IPCEF1: variants seen among roughly 807,000 people sequenced by gnomAD.
IPCEF1 encodes the protein interaction protein for cytohesin exchange factors 1, also known as interactor protein for cytohesin exchange factors 1.
In IPCEF1, 31 loss-of-function variants were observed where a neutral mutation model predicts 50.9. The observed-to-expected ratio is 0.61, with a 90% CI of 0.46 to 0.82. The LOEUF (loss-of-function observed/expected upper bound fraction) is 0.82. Ranked by LOEUF, IPCEF1 falls within the 40% of genes least tolerant of loss-of-function variation. The probability of loss-of-function intolerance (pLI) is 0.00; values close to 1 mark genes in which losing one functional copy is unlikely to be tolerated. For synonymous variants in IPCEF1, 181 were observed against 192.0 expected (o/e 0.94, Z 0.47); for missense variants, 458 against 514.0 (o/e 0.89, Z 1.05).
chr6:154,231,100 G>A (rs538066338), intron 5 of IPCEF1, among the ~76,000 whole-genome samples: 1 of 152,306 alleles, frequency 6.6e-6, no homozygotes, highest in South Asian at 2.1e-4. Context: ...TCTAAACTCT[G>A]AGCTGAGCTG....
intron 2 of IPCEF1, among the ~76,000 whole-genome samples, chr6:154,271,988 A>G (rs1212994788): frequency 6.6e-6 from 1 of 152,194 alleles, no homozygotes; most frequent in African/African-American, 2.4e-5. Context: ...CTCTGTCTCT[A>G]AAAGAAAACC....
chr6:154,221,733 G>A (rs1159164110), intron 6 of IPCEF1, among the ~76,000 whole-genome samples: 2 of 152,064 alleles, frequency 1.3e-5, no homozygotes, highest in Non-Finnish European at 2.9e-5. Context: ...AATTAGCCGG[G>A]CATGGTGGCG....
intron 10 of IPCEF1, among the ~76,000 whole-genome samples, chr6:154,198,631 T>TACACACAC (rs3070838): frequency 0.28 from 40,479 of 146,580 alleles, 6,315 homozygotes; most frequent in East Asian, 0.52. Context: ...AAATATTACA[T>TACACACAC]ACACACACAC....
At chr6:154,164,887 C>A (rs1222665496) in intron 11 of IPCEF1, among the ~76,000 whole-genome samples, 1 of 152,172 alleles carries the variant, frequency 6.6e-6, no homozygotes, top group Non-Finnish European at 1.5e-5. Flanking sequence ...CAACATAATA[C>A]GATCAACTTT....
chr6:154,331,935 A>G (rs1783681701), intron 1 of IPCEF1, among the ~76,000 whole-genome samples: 1 of 152,166 alleles, frequency 6.6e-6, no homozygotes, highest in African/African-American at 2.4e-5. Flanking sequence ...GGTTTTCTCA[A>G]GCTGCTCCCT....
intron 1 of IPCEF1, among the ~76,000 whole-genome samples, chr6:154,302,551 T>G (rs953018397): frequency 6.6e-6 from 1 of 152,184 alleles, no homozygotes; most frequent in Non-Finnish European, 1.5e-5. Context: ...CTCAGTTCAC[T>G]GTAGCCTCAA....
chr6:154,170,802 G>A (rs1054942858), intron 10 of IPCEF1, among the ~76,000 whole-genome samples: 18 of 152,204 alleles, frequency 1.2e-4, no homozygotes, highest in Non-Finnish European at 4.4e-5. Flanking sequence ...AAGTGTGGAT[G>A]AGGATGTGGA....
At chr6:154,188,908 C>A (rs1801618361) in intron 10 of IPCEF1, among the ~76,000 whole-genome samples, 1 of 151,796 alleles carries the variant, frequency 6.6e-6, no homozygotes, top group Non-Finnish European at 1.5e-5. Flanking sequence ...CTTTAAGATA[C>A]CAGTGTAGGG....
chr6:154,190,508 C>G (rs955110644), intron 10 of IPCEF1, among the ~76,000 whole-genome samples: 3 of 152,132 alleles, frequency 2.0e-5, no homozygotes, highest in Non-Finnish European at 4.4e-5. Context: ...ACAGAAAACA[C>G]CAAACGTTGG....
intron 5 of IPCEF1, among the ~76,000 whole-genome samples, chr6:154,241,701 T>TA (rs1780608273): frequency 6.6e-6 from 1 of 152,192 alleles, no homozygotes; most frequent in Non-Finnish European, 1.5e-5. Context: ...CACCATCTCC[T>TA]AACTGGCCTT....
At chr6:154,191,946 A>G (rs1801926678) in intron 10 of IPCEF1, among the ~76,000 whole-genome samples, 1 of 152,114 alleles carries the variant, frequency 6.6e-6, no homozygotes, top group African/African-American at 2.4e-5. Flanking sequence ...CCACAGCAGC[A>G]TTTTACATAA....
chr6:154,339,521 C>T (rs1229708509), intron 1 of IPCEF1, among the ~76,000 whole-genome samples: 1 of 151,906 alleles, frequency 6.6e-6, no homozygotes, highest in African/African-American at 2.4e-5. Context: ...GCATTGCTCC[C>T]GTCCAAAGTG....
chr6:154,319,847 GGAAA>G (rs1433270019), intron 1 of IPCEF1, among the ~76,000 whole-genome samples: 1 of 152,078 alleles, frequency 6.6e-6, no homozygotes, highest in Non-Finnish European at 1.5e-5. Flanking sequence ...CTTTTCTTTT[GGAAA>G]GAGAGAAAAT....
chr6:154,156,229 CT>C lies in IPCEF1; in HGVS notation c.*3598del, dbSNP rs1203118156. ...TTGAGGCAGGACCACTAGGAGGAGA[CT>C]GTGCTCAAGCACAGAGAGGGCCCTT... On this transcript the variant is annotated 3_prime_UTR_variant, in exon 12 of 12. Coordinates refer to ENST00000367220, the MANE Select transcript of IPCEF1 (RefSeq NM_001130700.2). 1 of 152,268 alleles carries C rather than the reference CT, an allele frequency of 6.6e-6. No homozygotes were observed. The highest frequency in any genetic ancestry group is 1.5e-5 in the Non-Finnish European group (1 of 68,100). 9.4% of individuals were successfully genotyped at this position (152,268 alleles called of 1,614,324 possible).
chr6:154,333,761 G>C (rs1433593958), intron 1 of IPCEF1, among the ~76,000 whole-genome samples: 1 of 151,098 alleles, frequency 6.6e-6, no homozygotes, highest in Non-Finnish European at 1.5e-5. Flanking sequence ...ATGTATATAT[G>C]TGTATATATG....
At chr6:154,248,496 A>G (rs1458802053) in intron 3 of IPCEF1, among the ~76,000 whole-genome samples, 1 of 152,204 alleles carries the variant, frequency 6.6e-6, no homozygotes, top group Non-Finnish European at 1.5e-5. Context: ...CAGTTCCAAA[A>G]TTTGGTATGT....
chr6:154,320,180 C>T (rs1783337721), intron 1 of IPCEF1, among the ~76,000 whole-genome samples: 1 of 152,144 alleles, frequency 6.6e-6, no homozygotes, highest in South Asian at 2.1e-4. Flanking sequence ...AACCCCAAAA[C>T]TCCTGAATTA....
At chr6:154,254,096 G>A (rs571300344) in intron 3 of IPCEF1, among the ~76,000 whole-genome samples, 1 of 152,084 alleles carries the variant, frequency 6.6e-6, no homozygotes, top group South Asian at 2.1e-4. Context: ...TAGCATATGG[G>A]AAATTTTTAC....
intron 10 of IPCEF1, among the ~76,000 whole-genome samples, chr6:154,196,702 A>G (rs1351936707): frequency 6.6e-6 from 1 of 152,228 alleles, no homozygotes; most frequent in African/African-American, 2.4e-5. Context: ...GGTAAAATTG[A>G]GCTGAAATGA....
Sources: gnomAD v4.1 joint callset for allele counts (sites outside exome capture counted in the v4.1 genomes callset) on GRCh38, gnomAD v4.1.1 for gene constraint, MANE v1.5 for transcripts, NCBI Gene and HGNC (gene_info 2026-07-23, HGNC 2026-07-21) for gene names.